The following SPIN1 variants were observed in gnomAD, a reference collection of about 807,000 sequenced individuals.
SPIN1 encodes spindlin 1.
In SPIN1, 3 loss-of-function variants were observed where a neutral mutation model predicts 26.0. The observed-to-expected ratio is 0.12, with a 90% CI of 0.05 to 0.30. The LOEUF (loss-of-function observed/expected upper bound fraction) is 0.30, where lower values mean the gene tolerates loss of function less well. Ranked by LOEUF, SPIN1 falls within the 10% of genes least tolerant of loss-of-function variation. The probability of loss-of-function intolerance (pLI) is 1.00; values close to 1 mark genes in which losing one functional copy is unlikely to be tolerated. For synonymous variants in SPIN1, 101 were observed against 116.5 expected, an observed-to-expected ratio of 0.87 and a Z score of 0.86; for missense variants, 126 against 333.4, an observed-to-expected ratio of 0.38 and a Z score of 4.84.
At chr9:88,434,921 G>A (rs1163243970) in intron 2 of SPIN1, among the ~76,000 whole-genome samples, 5 of 151,954 alleles carry the variant, frequency 3.3e-5, no homozygotes, top group Non-Finnish European at 5.9e-5. Context: ...GCATGGTGGT[G>A]GGTGCCTGTA....
chr9:88,465,355 C>A (rs1828645456), intron 4 of SPIN1, among the ~76,000 whole-genome samples: 1 of 152,144 alleles, frequency 6.6e-6, no homozygotes, highest in South Asian at 2.1e-4. Context: ...ATTCTAATTT[C>A]TTAGGTAGAA....
At chr9:88,457,835 A>G in intron 3 of SPIN1, 3 of 982,634 alleles carry the variant, frequency 3.1e-6, no homozygotes, top group South Asian at 4.7e-5. Context: ...AAATGTGAAA[A>G]TACTACGCAA....
chr9:88,473,413 T>G (rs1828829412), intron 5 of SPIN1, among the ~76,000 whole-genome samples: 1 of 151,684 alleles, frequency 6.6e-6, no homozygotes, highest in Admixed American at 6.6e-5. Flanking sequence ...AAAAAAATTG[T>G]GTACATTTGT....
At chr9:88,454,484 AT>A (rs1468922685) in intron 3 of SPIN1, among the ~76,000 whole-genome samples, 15 of 152,052 alleles carry the variant, frequency 9.9e-5, no homozygotes, top group Non-Finnish European at 2.9e-5. Flanking sequence ...AACTTTTGTT[AT>A]TAATAGTGTT....
chr9:88,415,357 T>A (rs904424296), intron 1 of SPIN1, among the ~76,000 whole-genome samples: 2 of 152,198 alleles, frequency 1.3e-5, no homozygotes, highest in African/African-American at 4.8e-5. Context: ...TTTTAATCTT[T>A]GAAGTTTTAG....
At position 88,457,493 on chromosome 9, in the gene SPIN1, A is replaced by G. The variant is rs1038481069; in HGVS notation, c.102-5003A>G. Among the ~76,000 whole-genome samples, 9 of 152,214 alleles carry G rather than the reference A, an allele frequency of 5.9e-5. 1 individual carries two copies. Among genetic ancestry groups the G allele is most frequent in the Middle Eastern group, 6.8e-3 (2 of 292 alleles). On this transcript the variant is annotated intron_variant, in intron 3 of 5. Coordinates refer to ENST00000375859, the MANE Select transcript of SPIN1 (RefSeq NM_006717.3). ...TGCAGTGAGCTGAGATTGCACCACT[A>G]TACTCCAGCCTGGGTGACTGAGTGA...
At chr9:88,433,446 TCTG>T (rs1827926207) in intron 2 of SPIN1, among the ~76,000 whole-genome samples, 1 of 152,136 alleles carries the variant, frequency 6.6e-6, no homozygotes, top group Non-Finnish European at 1.5e-5. Flanking sequence ...TCTTTGTGTC[TCTG>T]CTATTAGTCT....
chr9:88,443,743 G>A (rs868120793), intron 2 of SPIN1, among the ~76,000 whole-genome samples: 1 of 152,168 alleles, frequency 6.6e-6, no homozygotes, highest in Non-Finnish European at 1.5e-5. Flanking sequence ...ATGATTGCCC[G>A]TCAATCTTTT....
chr9:88,425,673 C>CAAA (rs370111864), intron 1 of SPIN1, among the ~76,000 whole-genome samples: 1 of 99,260 alleles, frequency 1.0e-5, no homozygotes, highest in African/African-American at 3.7e-5. Flanking sequence ...GACTCTGTCT[C>CAAA]AAAAAAAAAA....
intron 2 of SPIN1, among the ~76,000 whole-genome samples, chr9:88,447,449 G>C (rs1057113582): frequency 1.2e-4 from 18 of 152,092 alleles, no homozygotes; most frequent in Admixed American, 1.3e-4. Flanking sequence ...TTGGGACTTT[G>C]TTGATGCCCT....
intron 4 of SPIN1, among the ~76,000 whole-genome samples, chr9:88,464,039 G>A (rs1828616286): frequency 6.6e-6 from 1 of 152,166 alleles, no homozygotes; most frequent in South Asian, 2.1e-4. Context: ...GTCATCGAAG[G>A]ATAGAAACTG....
chr9:88,440,529 ACTTT>A (rs1403365721), intron 2 of SPIN1, among the ~76,000 whole-genome samples: 2 of 151,520 alleles, frequency 1.3e-5, no homozygotes, highest in Admixed American at 6.6e-5. Context: ...ATCCAAGTCT[ACTTT>A]CTTTCTTTTC....
chr9:88,474,923 C>T (rs1156328344), intron 5 of SPIN1, among the ~76,000 whole-genome samples, 155 bp from the exon 6 acceptor site: 2 of 151,824 alleles, frequency 1.3e-5, no homozygotes, highest in African/African-American at 2.4e-5. Context: ...TTTACGAAAA[C>T]GTTTGCTGAC....
intron 1 of SPIN1, among the ~76,000 whole-genome samples, chr9:88,407,905 C>T (rs966483457): frequency 2.6e-5 from 4 of 151,620 alleles, no homozygotes; most frequent in Non-Finnish European, 5.9e-5. Context: ...AGACCACAGG[C>T]CTGAGCCACC....
At chr9:88,472,013 G>C (rs916197690) in intron 5 of SPIN1, among the ~76,000 whole-genome samples, 78 of 152,048 alleles carry the variant, frequency 5.1e-4, no homozygotes, top group African/African-American at 1.7e-3. Flanking sequence ...TGGCCAGGCT[G>C]GTCTCAAACT....
At chr9:88,459,570 A>G (rs1040685929) in intron 3 of SPIN1, among the ~76,000 whole-genome samples, 10 of 152,120 alleles carry the variant, frequency 6.6e-5, no homozygotes, top group East Asian at 1.9e-4. Flanking sequence ...GACACTCACT[A>G]TACTTACTCT....
At chr9:88,408,158 T>C (rs1287535576) in intron 1 of SPIN1, among the ~76,000 whole-genome samples, 1 of 151,940 alleles carries the variant, frequency 6.6e-6, no homozygotes, top group Non-Finnish European at 1.5e-5. Flanking sequence ...ATATATTTCT[T>C]TATTCATCCT....
At chr9:88,388,859 CTTAGCGCGCGCTTTGT>C (rs1826850009) in intron 1 of SPIN1, among the ~76,000 whole-genome samples, 1 of 150,858 alleles carries the variant, frequency 6.6e-6, no homozygotes, top group African/African-American at 2.4e-5. Context: ...CCGCCGGCCC[CTTAGCGCGCGCTTTGT>C]TTGGAGCCGG....
intron 2 of SPIN1, among the ~76,000 whole-genome samples, chr9:88,432,152 C>T (rs992870766): frequency 1.3e-5 from 2 of 151,560 alleles, no homozygotes; most frequent in Admixed American, 6.6e-5. Flanking sequence ...TTAGATTGAT[C>T]TCCATCACCC....
Sources: gnomAD v4.1 joint callset for allele counts (sites outside exome capture counted in the v4.1 genomes callset) on GRCh38, gnomAD v4.1.1 for gene constraint, MANE v1.5 for transcripts, NCBI Gene and HGNC (gene_info 2026-07-23, HGNC 2026-07-21) for gene names.